The following ZNF407 variants were observed in gnomAD, a reference collection of about 807,000 sequenced individuals.
ZNF407 encodes the protein zinc finger protein 407.
ZNF407 carries 17 observed loss-of-function variants against 131.2 expected under a neutral mutation model. The ratio of observed to expected loss-of-function variants is 0.13; its 90% CI spans 0.09 to 0.19. The LOEUF (loss-of-function observed/expected upper bound fraction) is 0.19. Among genes scored for constraint, ZNF407 ranks in the 10% least tolerant of loss-of-function variants. ZNF407 has a pLI of 1.00. For synonymous variants in ZNF407, 1,156 were observed against 1,062.0 expected (o/e 1.09, Z -1.72); for missense variants, 2,681 against 2,830.6 (o/e 0.95, Z 1.20).
chr18:74,641,184 T>C (rs1984697770), intron 3 of ZNF407, 62 bp downstream of exon 3: 1 of 1,385,742 alleles, frequency 7.2e-7, no homozygotes, highest in Admixed American at 1.7e-5. Flanking sequence ...ATAGCCATTG[T>C]TTCGGAATTC....
intron 3 of ZNF407, among the ~76,000 whole-genome samples, chr18:74,664,952 C>T (rs763801029): frequency 5.0e-4 from 76 of 152,252 alleles, no homozygotes; most frequent in Admixed American, 4.6e-3. Flanking sequence ...GGCTTGAGTT[C>T]GGGTTCTGCC....
chr18:74,645,133 T>G (rs1984909654), intron 3 of ZNF407, among the ~76,000 whole-genome samples: 1 of 152,014 alleles, frequency 6.6e-6, no homozygotes, highest in Non-Finnish European at 1.5e-5. Flanking sequence ...TTATTGCATT[T>G]ACTTGTGGGT....
chr18:74,754,947 G>A (rs1241530072), intron 3 of ZNF407, among the ~76,000 whole-genome samples: 1 of 152,158 alleles, frequency 6.6e-6, no homozygotes, highest in Non-Finnish European at 1.5e-5. Flanking sequence ...TGACAGTGGG[G>A]TGTTAAAGTC....
intron 4 of ZNF407, among the ~76,000 whole-genome samples, chr18:74,799,328 C>T (rs1969977744): frequency 6.6e-6 from 1 of 152,096 alleles, no homozygotes; most frequent in South Asian, 2.1e-4. Flanking sequence ...AGTCTCAGCA[C>T]TGTGGGCATA....
intron 8 of ZNF407, among the ~76,000 whole-genome samples, chr18:74,985,828 C>T (rs1229120039): frequency 6.6e-6 from 1 of 152,140 alleles, no homozygotes; most frequent in Non-Finnish European, 1.5e-5. Flanking sequence ...CGTGGCCTTC[C>T]TAACCTTAGA....
chr18:74,932,929 T>C (rs1479445506), intron 8 of ZNF407, among the ~76,000 whole-genome samples: 1 of 152,196 alleles, frequency 6.6e-6, no homozygotes, highest in East Asian at 1.9e-4. Flanking sequence ...GTTGGAACCC[T>C]TATGCGCTGC....
At chr18:74,978,120 T>A (rs7235776) in intron 8 of ZNF407, among the ~76,000 whole-genome samples, 34,544 of 152,136 alleles carry the variant, frequency 0.23, 5,179 homozygotes, top group African/African-American at 0.41. Context: ...GCAGTGCGCC[T>A]TTGGGACCTT....
intron 8 of ZNF407, among the ~76,000 whole-genome samples, chr18:75,045,253 A>G (rs1599309773): frequency 6.6e-6 from 1 of 152,364 alleles, no homozygotes; most frequent in South Asian, 2.1e-4. Flanking sequence ...TGGAGATGAA[A>G]GAAAATATAA....
At chr18:74,979,100 T>A (rs78229671) in intron 8 of ZNF407, among the ~76,000 whole-genome samples, 1,558 of 152,140 alleles carry the variant, frequency 0.01, 59 homozygotes, top group Admixed American at 0.068. Flanking sequence ...AGAGTAGAAT[T>A]AGCGACACCT....
chr18:74,656,203 G>A (rs1338726855), intron 3 of ZNF407, among the ~76,000 whole-genome samples: 7 of 151,990 alleles, frequency 4.6e-5, no homozygotes, highest in Non-Finnish European at 1.0e-4. Flanking sequence ...ATGCATCTTT[G>A]TGAATCAAAG....
Position 74,832,860 on chromosome 18 carries a change from AAAT to A in ZNF407, c.4878-44336_4878-44334del, listed in dbSNP as rs1487744513. 4.6e-5 allele frequency among the ~76,000 whole-genome samples: 7 copies of A among 152,354 alleles called. No individual in the cohort carries two copies. In the East Asian group the frequency reaches 1.3e-3, roughly 29 times the overall value. On this transcript the variant is annotated intron_variant, in intron 4 of 8. Transcript: ENST00000299687. Reference sequence around the variant, plus strand: ...CATGTATTTCTAAAGTAACATCTTAAAATTTGCTGTTTATTTTTTATTTTTATT... The same window carrying A: ...CATGTATTTCTAAAGTAACATCTTAATTGCTGTTTATTTTTTATTTTTATT...
intron 8 of ZNF407, among the ~76,000 whole-genome samples, chr18:74,973,520 C>T (rs1244528446): frequency 6.6e-6 from 1 of 152,196 alleles, no homozygotes; most frequent in Non-Finnish European, 1.5e-5. Flanking sequence ...TTACAACAAA[C>T]ATCAATGACT....
intron 8 of ZNF407, among the ~76,000 whole-genome samples, chr18:74,956,871 A>G (rs181032775): frequency 3.2e-4 from 48 of 152,306 alleles, no homozygotes; most frequent in African/African-American, 1.0e-3. Flanking sequence ...AGAATCTGAC[A>G]AAGTCGTAAT....
intron 8 of ZNF407, among the ~76,000 whole-genome samples, chr18:74,966,196 G>A (rs936171517): frequency 9.9e-5 from 15 of 152,060 alleles, no homozygotes; most frequent in African/African-American, 2.7e-4. Flanking sequence ...TTTTTGCTTT[G>A]GCAGGCTGTG....
chr18:74,604,955 C>A (rs911362909), intron 1 of ZNF407, among the ~76,000 whole-genome samples: 1 of 152,210 alleles, frequency 6.6e-6, no homozygotes, highest in Non-Finnish European at 1.5e-5. Flanking sequence ...GCCATTCTTA[C>A]AGTAAGCAGT....
At chr18:74,624,071 C>A (rs1251114921) in intron 1 of ZNF407, among the ~76,000 whole-genome samples, 1 of 152,176 alleles carries the variant, frequency 6.6e-6, no homozygotes, top group East Asian at 1.9e-4. Flanking sequence ...CATTCTACTT[C>A]TCCACTGGGT....
intron 3 of ZNF407, among the ~76,000 whole-genome samples, chr18:74,675,598 T>C (rs58335842): frequency 0.016 from 2,445 of 152,358 alleles, 69 homozygotes; most frequent in African/African-American, 0.056. Context: ...GAAAGCTTTC[T>C]GTCTTTTCTG....
chr18:74,729,460 G>A lies in ZNF407; in HGVS notation c.4803-51968G>A, dbSNP rs1056768973. 2.0e-5 allele frequency among the ~76,000 whole-genome samples: 3 copies of A among 152,002 alleles called. No homozygotes were observed. The East Asian group carries it at 5.8e-4, about 29-fold the overall frequency. ...ACATAGTATGGATTCTCATGTGCTAGATGCTCCAGAGAAGAAAGGTCAAGT... is the reference window on the plus strand; with the variant it reads ...ACATAGTATGGATTCTCATGTGCTAAATGCTCCAGAGAAGAAAGGTCAAGT... On this transcript the variant is annotated intron_variant, in intron 3 of 8. Transcript: ENST00000299687.
At chr18:74,671,886 C>T (rs1187857935) in intron 3 of ZNF407, among the ~76,000 whole-genome samples, 3 of 152,092 alleles carry the variant, frequency 2.0e-5, no homozygotes, top group African/African-American at 4.8e-5. Context: ...CTTGTCAGTA[C>T]GTATTTATTA....
Sources: allele counts gnomAD v4.1 joint callset (sites outside exome capture counted in the v4.1 genomes callset), GRCh38; gene constraint gnomAD v4.1.1; transcripts MANE v1.5; gene names NCBI Gene and HGNC (gene_info 2026-07-23, HGNC 2026-07-21).